The following PCDH9 variants were observed in gnomAD, a reference collection of about 807,000 sequenced individuals.
The protein encoded by PCDH9 is protocadherin-9.
Under a neutral mutation model 70.6 loss-of-function variants are expected in PCDH9, and 24 were observed. The ratio of observed to expected loss-of-function variants is 0.34; its 90% CI spans 0.25 to 0.48. PCDH9 has a LOEUF of 0.48. Among genes scored for constraint, PCDH9 ranks in the 20% least tolerant of loss-of-function variants. The pLI is 0.99. For missense variants in PCDH9, 1,281 were observed against 1,503.6 expected, an observed-to-expected ratio of 0.85 and a Z score of 2.45; for synonymous variants, 562 against 558.5, an observed-to-expected ratio of 1.01 and a Z score of -0.09.
At chr13:66,519,762 G>A (rs1959905648) in intron 4 of PCDH9, among the ~76,000 whole-genome samples, 1 of 152,064 alleles carries the variant, frequency 6.6e-6, no homozygotes, top group Non-Finnish European at 1.5e-5. Flanking sequence ...TATAAGCTTT[G>A]TAAAGTATTT....
chr13:66,818,109 T>C (rs1288745710), intron 3 of PCDH9, among the ~76,000 whole-genome samples: 1 of 152,212 alleles, frequency 6.6e-6, no homozygotes, highest in Non-Finnish European at 1.5e-5. Context: ...AATAACACTT[T>C]CATTTTAGGA....
intron 3 of PCDH9, among the ~76,000 whole-genome samples, chr13:66,680,388 G>T (rs2078302318): frequency 6.6e-6 from 1 of 151,860 alleles, no homozygotes; most frequent in Admixed American, 6.6e-5. Flanking sequence ...AACTATTTCT[G>T]CAACCTGTGA....
At chr13:66,469,466 G>C (rs1958575298) in intron 4 of PCDH9, among the ~76,000 whole-genome samples, 1 of 145,960 alleles carries the variant, frequency 6.9e-6, no homozygotes, top group South Asian at 2.2e-4. Flanking sequence ...GGAAGGGAGG[G>C]AGGGGGGAAG....
chr13:67,166,805 AC>A (rs1489870553), intron 2 of PCDH9, among the ~76,000 whole-genome samples: 2 of 152,130 alleles, frequency 1.3e-5, no homozygotes, highest in African/African-American at 4.8e-5. Flanking sequence ...CGGGCATTGT[AC>A]CTGCGTTTGT....
chr13:66,628,805 A>T (rs1215123558), intron 4 of PCDH9, among the ~76,000 whole-genome samples: 1 of 152,206 alleles, frequency 6.6e-6, no homozygotes, highest in Non-Finnish European at 1.5e-5. Flanking sequence ...TATGATAGTG[A>T]AGGTATATAT....
chr13:66,891,334 C>T (rs1941047399), intron 3 of PCDH9, among the ~76,000 whole-genome samples: 1 of 152,080 alleles, frequency 6.6e-6, no homozygotes, highest in Non-Finnish European at 1.5e-5. Flanking sequence ...ATGGTTCTTG[C>T]TTTTTCCTTT....
intron 3 of PCDH9, among the ~76,000 whole-genome samples, chr13:66,692,417 A>G (rs2078500934): frequency 6.6e-6 from 1 of 152,128 alleles, no homozygotes; most frequent in Admixed American, 6.5e-5. Context: ...AAGTCTTGAG[A>G]TGAAATAATA....
At chr13:66,725,837 C>T (rs2078998934) in intron 3 of PCDH9, among the ~76,000 whole-genome samples, 1 of 152,022 alleles carries the variant, frequency 6.6e-6, no homozygotes, top group Admixed American at 6.6e-5. Flanking sequence ...ATTTTATTCC[C>T]CTGGGACAAT....
At chr13:66,468,912 A>T (rs549388700) in intron 4 of PCDH9, among the ~76,000 whole-genome samples, 2 of 152,264 alleles carry the variant, frequency 1.3e-5, no homozygotes, top group African/African-American at 2.4e-5. Flanking sequence ...GCACCCAAGG[A>T]AATGAGGTTA....
chr13:67,195,496 A>G (rs559997322), intron 2 of PCDH9, among the ~76,000 whole-genome samples: 1 of 152,136 alleles, frequency 6.6e-6, no homozygotes, highest in Non-Finnish European at 1.5e-5. Flanking sequence ...GTACCAAAGG[A>G]TGGAAATACC....
chr13:67,023,870 G>C (rs1207986139), intron 2 of PCDH9, among the ~76,000 whole-genome samples: 2 of 151,180 alleles, frequency 1.3e-5, no homozygotes, highest in Non-Finnish European at 2.9e-5. Flanking sequence ...CTATCAGAAA[G>C]AATATAAACA....
chr13:67,227,515 G>A lies in PCDH9; in HGVS notation c.926C>T (p.Thr309Ile), dbSNP rs763120077. 1 of 1,613,698 alleles carries A rather than the reference G, an allele frequency of 6.2e-7. No individual in the cohort carries two copies. The highest frequency in any genetic ancestry group is 1.7e-5 in the Admixed American group (1 of 60,012). The change falls in exon 2 of 5, where the codon ACT becomes ATT. Residue 309 changes from threonine (T) to isoleucine (I), a missense_variant. Physicochemically the swap from Thr to Ile is moderately conservative, Grantham distance 89. This residue lies in a region of PCDH9 where 798 missense variants were observed against 1,003.1 expected (regional missense o/e 0.80). Transcript: ENST00000377865. This position sits in a 1 kb window ranked among gnomAD's most constrained non-coding sequence, Gnocchi z 4.6. ...GGACCTCTGAACTGTAATCAGCCCA[G>A]TAGTATTATTTAAAGCAAAGAGTCT... ...TKRLFALNNTTGLITVQRSLD... is the reference protein window; with the variant it reads ...TKRLFALNNTIGLITVQRSLD...
intron 3 of PCDH9, among the ~76,000 whole-genome samples, chr13:66,659,653 C>T (rs936909301): frequency 6.6e-6 from 1 of 151,690 alleles, no homozygotes; most frequent in Non-Finnish European, 1.5e-5. Context: ...CCTGCTGCAT[C>T]TTCCCTGAAA....
At chr13:66,801,075 A>T (rs568436084) in intron 3 of PCDH9, among the ~76,000 whole-genome samples, 4 of 150,804 alleles carry the variant, frequency 2.7e-5, no homozygotes, top group South Asian at 4.2e-4. Flanking sequence ...GTAGGCTGAA[A>T]CCTCGAGGAG....
At chr13:67,031,273 G>A (rs1181102130) in intron 2 of PCDH9, among the ~76,000 whole-genome samples, 1 of 152,044 alleles carries the variant, frequency 6.6e-6, no homozygotes, top group African/African-American at 2.4e-5. Flanking sequence ...ATTATATATA[G>A]TGAAGTAAAA....
chr13:66,330,796 T>A (rs1033292665), intron 4 of PCDH9, among the ~76,000 whole-genome samples: 1 of 152,206 alleles, frequency 6.6e-6, no homozygotes, highest in African/African-American at 2.4e-5. Context: ...GTATGCTATG[T>A]GTTCAAGTAC....
intron 4 of PCDH9, among the ~76,000 whole-genome samples, chr13:66,341,555 C>T (rs969931374): frequency 1.3e-5 from 2 of 152,146 alleles, no homozygotes; most frequent in African/African-American, 4.8e-5. Context: ...TCTGAACCCG[C>T]ATTTTAACAA....
At chr13:66,566,148 G>A (rs923254908) in intron 4 of PCDH9, among the ~76,000 whole-genome samples, 8 of 152,142 alleles carry the variant, frequency 5.3e-5, no homozygotes, top group African/African-American at 1.2e-4. Flanking sequence ...AAAGTTTAAC[G>A]CTCAATTGGA....
chr13:66,669,284 T>C lies in PCDH9; in HGVS notation c.3139-37873A>G, dbSNP rs1293656532. 2.6e-5 allele frequency among the ~76,000 whole-genome samples: 4 copies of C among 152,192 alleles called. No homozygotes were observed. The South Asian group carries it at 6.2e-4, about 24-fold the overall frequency. On this transcript the variant is annotated intron_variant, in intron 3 of 4. Coordinates refer to ENST00000377865, the MANE Select transcript of PCDH9 (RefSeq NM_203487.3). ...ATTTTGTTCTTTAAAAAATGTCTCA[T>C]AGTAACTTTTCAACCTCAGCAAACA...
Sources: gnomAD v4.1 joint callset for allele counts (sites outside exome capture counted in the v4.1 genomes callset) on GRCh38, gnomAD v4.1.1 for gene constraint, gnomAD v4.1.1 regional missense constraint, Gnocchi (gnomAD v3.1) non-coding constraint, MANE v1.5 for transcripts, NCBI Gene and HGNC (gene_info 2026-07-23, HGNC 2026-07-21) for gene names.